The following IFT80 variants were observed in gnomAD, a reference collection of about 807,000 sequenced individuals.
The protein encoded by IFT80 is intraflagellar transport 80.
Under a neutral mutation model 107.9 loss-of-function variants are expected in IFT80, and 79 were observed. The ratio of observed to expected loss-of-function variants is 0.73; its 90% CI spans 0.61 to 0.88. The LOEUF (loss-of-function observed/expected upper bound fraction) is 0.88. Ranked by LOEUF, IFT80 falls within the 40% of genes least tolerant of loss-of-function variation. The pLI is 0.00. For synonymous variants in IFT80, 299 were observed against 300.9 expected, an observed-to-expected ratio of 0.99 and a Z score of 0.07; for missense variants, 797 against 914.2, an observed-to-expected ratio of 0.87 and a Z score of 1.65.
intron 4 of IFT80, 81 bp downstream of exon 4, chr3:160,377,349 T>G (rs528652611): frequency 1.2e-6 from 1 of 817,280 alleles, no homozygotes; most frequent in South Asian, 1.4e-5. Context: ...AAGACACTAT[T>G]GCTAAATGAA....
At chr3:160,268,072 C>A (rs1713485013) in intron 19 of IFT80, among the ~76,000 whole-genome samples, 1 of 152,180 alleles carries the variant, frequency 6.6e-6, no homozygotes, top group Non-Finnish European at 1.5e-5. Context: ...ATTTCCCCTA[C>A]AGCAGAAGAG....
At chr3:160,381,893 G>A (rs905271072) in intron 2 of IFT80, among the ~76,000 whole-genome samples, 169 bp from the exon 3 acceptor site, 6 of 152,014 alleles carry the variant, frequency 3.9e-5, no homozygotes, top group Admixed American at 3.9e-4. Flanking sequence ...AAGAAAATAA[G>A]CATCTATTAA....
intron 18 of IFT80, among the ~76,000 whole-genome samples, chr3:160,271,786 C>T (rs943702406): frequency 2.0e-5 from 3 of 151,950 alleles, no homozygotes; most frequent in South Asian, 4.1e-4. Context: ...AAATTCTATC[C>T]TTCTGGAATG....
At chr3:160,362,399 T>A (rs1721557819) in intron 6 of IFT80, among the ~76,000 whole-genome samples, 1 of 152,048 alleles carries the variant, frequency 6.6e-6, no homozygotes, top group African/African-American at 2.4e-5. Flanking sequence ...CCAAAAAAAG[T>A]CCAGGACCAG....
intron 11 of IFT80, among the ~76,000 whole-genome samples, chr3:160,302,753 T>TA (rs1002164981): frequency 1.8e-4 from 27 of 152,252 alleles, no homozygotes; most frequent in Non-Finnish European, 3.1e-4. Context: ...TGACTTATTT[T>TA]AAAAAATTTA....
intron 8 of IFT80, among the ~76,000 whole-genome samples, chr3:160,329,919 T>TA (rs987919630): frequency 4.6e-5 from 7 of 152,192 alleles, no homozygotes; most frequent in African/African-American, 1.7e-4. Context: ...CCTACACTGT[T>TA]ACTTATCTTA....
intron 5 of IFT80, among the ~76,000 whole-genome samples, chr3:160,371,855 G>A (rs1711549507): frequency 6.6e-6 from 1 of 152,096 alleles, no homozygotes; most frequent in African/African-American, 2.4e-5. Flanking sequence ...TGTCCTTAAA[G>A]GTTTGCAGCA....
At chr3:160,287,966 G>T (rs1488777229) in intron 12 of IFT80, among the ~76,000 whole-genome samples, 2 of 152,158 alleles carry the variant, frequency 1.3e-5, no homozygotes, top group African/African-American at 4.8e-5. Flanking sequence ...AGACTAAAAT[G>T]ATCCCTAAGA....
At chr3:160,315,304 G>T (rs1022033787) in intron 9 of IFT80, among the ~76,000 whole-genome samples, 1 of 152,148 alleles carries the variant, frequency 6.6e-6, no homozygotes, top group African/African-American at 2.4e-5. Context: ...GTGAGCAGAG[G>T]GATGACTTCT....
At chr3:160,373,984 A>C (rs1576888069) in intron 5 of IFT80, among the ~76,000 whole-genome samples, 1 of 152,204 alleles carries the variant, frequency 6.6e-6, no homozygotes, top group South Asian at 2.1e-4. Context: ...ACATAGACTA[A>C]ACAATTAACA....
intron 14 of IFT80, 91 bp from the exon 15 acceptor site, chr3:160,280,905 T>C: frequency 8.8e-7 from 1 of 1,141,374 alleles, no homozygotes; most frequent in Non-Finnish European, 1.3e-6. Context: ...CAAAATCCCA[T>C]ACAATTTCTG....
At chr3:160,259,820 T>C (rs1220154261) in intron 19 of IFT80, among the ~76,000 whole-genome samples, 1 of 152,124 alleles carries the variant, frequency 6.6e-6, no homozygotes, top group Admixed American at 6.5e-5. Context: ...AGGCAAGACA[T>C]GGAAAAAATT....
intron 9 of IFT80, among the ~76,000 whole-genome samples, chr3:160,316,561 T>C (rs1288314068): frequency 1.3e-5 from 2 of 152,190 alleles, no homozygotes; most frequent in African/African-American, 4.8e-5. Flanking sequence ...AAGGATAGAC[T>C]ATAGCATATA....
intron 12 of IFT80, among the ~76,000 whole-genome samples, chr3:160,289,961 G>A (rs1715409798): frequency 6.6e-6 from 1 of 152,120 alleles, no homozygotes; most frequent in Admixed American, 6.5e-5. Flanking sequence ...AATTGAGAGG[G>A]TACAGAAGTG....
At chr3:160,276,831 T>G (rs1467336375) in intron 18 of IFT80, among the ~76,000 whole-genome samples, 1 of 152,226 alleles carries the variant, frequency 6.6e-6, no homozygotes, top group Non-Finnish European at 1.5e-5. Flanking sequence ...CGGATGTCTT[T>G]TCATTCCACA....
rs142328090 is a variant in IFT80, at chr3:160,383,857, T to G, written c.37+707A>C. 6.0e-3 allele frequency: 5,881 copies of G among 985,388 alleles called. 22 individuals are homozygous for G. Among genetic ancestry groups the G allele is most frequent in the Non-Finnish European group, 6.7e-3 (5,528 of 829,898 alleles). The allele number at this position is 985,388 out of a possible 1,614,324, so 61.0% of individuals were successfully genotyped here. ...TCTGACTGCTCAGATTTCCCCAACT[T>G]GTCCTTCACTTTATCATGAATGTAA... is the stretch of plus-strand genomic sequence containing the variant. On this transcript the variant is annotated intron_variant, in intron 2 of 19. Coordinates refer to ENST00000326448, the MANE Select transcript of IFT80 (RefSeq NM_020800.3).
chr3:160,383,453 A>C, intron 2 of IFT80: 2 of 966,754 alleles, frequency 2.1e-6, no homozygotes, highest in South Asian at 9.6e-5. Context: ...AAAATGTCTG[A>C]CCAAATGTTT....
rs1279234982 is a variant in IFT80 at position 160,279,343 on chromosome 3, A to G, written c.1686T>C (p.His562=). The part of the protein sequence containing the change: ...RDASEFSKNP[H]IVSFVGNQVT... ...CTTGATTTCCAACAAAACTCACAAT[A>G]TGGGGATTTTTACTAAATTCACTGT... Residue 562 remains histidine, a synonymous_variant, in exon 16 of 20, where the codon CAT becomes CAC. Coordinates refer to ENST00000326448, the MANE Select transcript of IFT80 (RefSeq NM_020800.3). 1 of 1,613,134 alleles carries G rather than the reference A, an allele frequency of 6.2e-7. No individual in the cohort carries two copies. Among genetic ancestry groups the G allele is most frequent in the East Asian group, 2.2e-5 (1 of 44,838 alleles).
chr3:160,389,995 G>A (rs1207534512), intron 1 of IFT80, among the ~76,000 whole-genome samples: 1 of 152,142 alleles, frequency 6.6e-6, no homozygotes, highest in African/African-American at 2.4e-5. Flanking sequence ...TTGTTTCAAA[G>A]GGACCAGGAG....
Sources: gnomAD v4.1 joint callset for allele counts (sites outside exome capture counted in the v4.1 genomes callset) on GRCh38, gnomAD v4.1.1 for gene constraint, MANE v1.5 for transcripts, NCBI Gene and HGNC (gene_info 2026-07-23, HGNC 2026-07-21) for gene names.